The following ARFGEF1 variants were observed in gnomAD, a reference collection of about 807,000 sequenced individuals.
ARFGEF1 encodes the protein ARF guanine nucleotide exchange factor 1, also known as brefeldin A-inhibited guanine nucleotide-exchange protein 1.
Under a neutral mutation model 231.0 loss-of-function variants are expected in ARFGEF1, and 42 were observed. That is an observed-to-expected ratio of 0.18 (90% CI 0.14 to 0.24). ARFGEF1 has a LOEUF of 0.24. Ranked by LOEUF, ARFGEF1 falls within the 10% of genes least tolerant of loss-of-function variation. The pLI is 1.00. For missense variants in ARFGEF1, 1,345 were observed against 2,192.0 expected (o/e 0.61, Z 7.72); for synonymous variants, 710 against 732.3 (o/e 0.97, Z 0.49).
rs923678795 is a variant in ARFGEF1, at chr8:67,289,965, T to C, written c.916+1882A>G. 2.0e-5 allele frequency among the ~76,000 whole-genome samples: 3 copies of C among 152,160 alleles called. No individual in the cohort carries two copies. The South Asian group carries it at 6.2e-4, about 31-fold the overall frequency. ...AGTGAAGGGTCAATTTTCACATAAG[T>C]ATCTGAAAGAAACAGAACAGAATAA... On this transcript the variant is annotated intron_variant, in intron 6 of 38. Coordinates refer to ENST00000262215, the MANE Select transcript of ARFGEF1 (RefSeq NM_006421.5).
intron 14 of ARFGEF1, 75 bp from the exon 15 acceptor site, chr8:67,260,001 A>C (rs1350999122): frequency 2.2e-6 from 2 of 911,554 alleles, no homozygotes; most frequent in Non-Finnish European, 3.4e-6. Flanking sequence ...AACCACAGTA[A>C]ATTTTCTAAT....
chr8:67,234,817 C>T (rs73693153), intron 22 of ARFGEF1, among the ~76,000 whole-genome samples: 19,029 of 151,748 alleles, frequency 0.13, 2,332 homozygotes, highest in African/African-American at 0.32. Flanking sequence ...GAGAGATAAA[C>T]TAAAAGTCTA....
At chr8:67,244,241 TC>T (rs1563860660) in intron 19 of ARFGEF1, among the ~76,000 whole-genome samples, 3 of 15,886 alleles carry the variant, frequency 1.9e-4, no homozygotes, top group African/African-American at 6.0e-4. Context: ...AGACTCCACC[TC>T]AAAAAAAAAA....
At chr8:67,211,415 A>G in intron 34 of ARFGEF1, 68 bp downstream of exon 34, 2 of 1,282,358 alleles carry the variant, frequency 1.6e-6, no homozygotes, top group Non-Finnish European at 2.1e-6. Context: ...TAATAAAAGT[A>G]AAACCAAAAA....
intron 1 of ARFGEF1, among the ~76,000 whole-genome samples, chr8:67,318,239 G>GAAAA (rs34563091): frequency 1.3e-5 from 1 of 78,186 alleles, no homozygotes; most frequent in Non-Finnish European, 2.6e-5. Context: ...TCCGTCTCAA[G>GAAAA]AAAAAAAAAA....
chr8:67,336,921 G>A lies in ARFGEF1; in HGVS notation c.124+6243C>T, dbSNP rs192636059. On this transcript the variant is annotated intron_variant, in intron 1 of 38. Transcript: ENST00000262215. The stretch of plus-strand genomic sequence containing the variant: ...CAAGGCAGGAGGATCACAAGGTCAG[G>A]AGATCGAGACCATCCTGGCTAACAC... 2.6e-3 allele frequency among the ~76,000 whole-genome samples: 395 copies of A among 152,002 alleles called. 3 individuals are homozygous for A. The highest frequency in any genetic ancestry group is 0.017 in the Middle Eastern group (5 of 294).
Position 67,203,383 on chromosome 8 carries a change from A to G in ARFGEF1, c.4960-132T>C, listed in dbSNP as rs545138881. The stretch of plus-strand genomic sequence containing the variant: ...CTCAGCTTGATCTAACCTAACAGAA[A>G]GTAAGGGAAGGTCCACCTTCCAGTA... On this transcript the variant is annotated intron_variant, in intron 35 of 38. Coordinates refer to ENST00000262215, the MANE Select transcript of ARFGEF1 (RefSeq NM_006421.5). The G allele has an allele frequency of 3.8e-5, 39 of 1,036,032 alleles. No individual in the cohort carries two copies. In the East Asian group the frequency reaches 9.3e-4, roughly 25 times the overall value. 64.2% of individuals were successfully genotyped at this position (1,036,032 alleles called of 1,614,324 possible).
chr8:67,305,882 CA>C (rs1806719846), intron 1 of ARFGEF1, among the ~76,000 whole-genome samples: 1 of 152,140 alleles, frequency 6.6e-6, no homozygotes, highest in Non-Finnish European at 1.5e-5. Flanking sequence ...TCTTTCATGA[CA>C]AATTTAATGC....
chr8:67,251,573 A>G (rs1840285257), intron 18 of ARFGEF1, 123 bp from the exon 19 acceptor site: 6 of 934,472 alleles, frequency 6.4e-6, no homozygotes, highest in African/African-American at 1.7e-5. Flanking sequence ...GCAAGACACA[A>G]GAGATCCCAT....
chr8:67,259,188 C>T (rs765010571), intron 15 of ARFGEF1, among the ~76,000 whole-genome samples: 3 of 152,272 alleles, frequency 2.0e-5, no homozygotes, highest in East Asian at 1.9e-4. Context: ...CTCATGGCTA[C>T]GGAGGACCAA....
chr8:67,321,606 A>G (rs1030477716), intron 1 of ARFGEF1, among the ~76,000 whole-genome samples: 4 of 151,572 alleles, frequency 2.6e-5, no homozygotes, highest in East Asian at 1.9e-4. Flanking sequence ...GAGTACAGGC[A>G]CCCGCCACCA....
chr8:67,301,432 TA>T (rs752284478), intron 2 of ARFGEF1, 52 bp from the exon 3 acceptor site: 56 of 1,524,110 alleles, frequency 3.7e-5, no homozygotes, highest in Non-Finnish European at 4.6e-5. Context: ...ATAATATTGA[TA>T]ATAAACCCAT....
At chr8:67,296,039 G>A (rs779864995) in intron 5 of ARFGEF1, among the ~76,000 whole-genome samples, 54 of 152,020 alleles carry the variant, frequency 3.6e-4, no homozygotes, top group African/African-American at 1.2e-3. Context: ...GGGAAAAAAC[G>A]TATTTCATCA....
At chr8:67,188,070 A>G (rs1322742866) in intron 5 of ARFGEF1, among the ~76,000 whole-genome samples, 1 of 152,242 alleles carries the variant, frequency 6.6e-6, no homozygotes, top group African/African-American at 2.4e-5. Context: ...TCTATAAAAG[A>G]CACTGTTAAT....
At chr8:67,251,512 T>A in intron 18 of ARFGEF1, 62 bp from the exon 19 acceptor site, 1 of 1,402,202 alleles carries the variant, frequency 7.1e-7, no homozygotes, top group Admixed American at 2.5e-5. Context: ...TATTTTGATA[T>A]TTTACTATCA....
At chr8:67,299,735 C>G (rs1228908448) in intron 3 of ARFGEF1, among the ~76,000 whole-genome samples, 1 of 152,098 alleles carries the variant, frequency 6.6e-6, no homozygotes, top group Non-Finnish European at 1.5e-5. Context: ...CATTGTCAGT[C>G]CACATTGGGT....
intron 1 of ARFGEF1, among the ~76,000 whole-genome samples, chr8:67,329,291 G>A (rs1487676310): frequency 1.3e-5 from 2 of 151,832 alleles, no homozygotes; most frequent in South Asian, 2.1e-4. Context: ...AGTGGCTCAC[G>A]CCTGTAATCC....
At chr8:67,331,079 AAAC>A (rs1808078030) in intron 1 of ARFGEF1, among the ~76,000 whole-genome samples, 1 of 152,170 alleles carries the variant, frequency 6.6e-6, no homozygotes, top group African/African-American at 2.4e-5. Context: ...AAAAATTAAG[AAAC>A]AACGAAGACT....
At chr8:67,324,769 C>T (rs2128929456) in intron 1 of ARFGEF1, among the ~76,000 whole-genome samples, 1 of 152,162 alleles carries the variant, frequency 6.6e-6, no homozygotes, top group African/African-American at 2.4e-5. Context: ...TTAAGATGTT[C>T]AATAAATGTT....
Sources: allele counts gnomAD v4.1 joint callset (sites outside exome capture counted in the v4.1 genomes callset), GRCh38; gene constraint gnomAD v4.1.1; transcripts MANE v1.5; gene names NCBI Gene and HGNC (gene_info 2026-07-23, HGNC 2026-07-21).